The following ABCG8 variants were observed in gnomAD, a reference collection of about 807,000 sequenced individuals.
ABCG8 encodes the protein ATP-binding cassette sub-family G member 8.
In ABCG8, 81 loss-of-function variants were observed where a neutral mutation model predicts 71.3. The ratio of observed to expected loss-of-function variants is 1.14; its 90% CI spans 0.95 to 1.37. ABCG8 has a LOEUF of 1.37. ABCG8 is among the 40% of genes most tolerant of loss of function. The probability of loss-of-function intolerance (pLI) is 0.00; values close to 1 mark genes in which losing one functional copy is unlikely to be tolerated. For synonymous variants in ABCG8, 451 were observed against 354.7 expected, an observed-to-expected ratio of 1.27 and a Z score of -3.05; for missense variants, 1,119 against 866.2, an observed-to-expected ratio of 1.29 and a Z score of -3.66.
At chr2:43,866,864 A>G (rs1031067262) in intron 6 of ABCG8, among the ~76,000 whole-genome samples, 7 of 151,422 alleles carry the variant, frequency 4.6e-5, no homozygotes, top group African/African-American at 1.7e-4. Flanking sequence ...CCAAAGGACT[A>G]TAAATCATGC....
chr2:43,878,017 A>C lies in ABCG8; in HGVS notation c.*104A>C. 6.5e-7 allele frequency: 1 copy of C among 1,541,586 alleles called. No homozygotes were observed. Among genetic ancestry groups the C allele is most frequent in the Non-Finnish European group, 8.9e-7 (1 of 1,127,444 alleles). The stretch of plus-strand genomic sequence containing the variant: ...TGGGGACAGTGAGGACAATGACCCT[A>C]CAGATGCTCAGCTACATCCGGCCCA... On this transcript the variant is annotated 3_prime_UTR_variant, in exon 13 of 13. Coordinates refer to ENST00000272286, the MANE Select transcript of ABCG8 (RefSeq NM_022437.3).
chr2:43,879,587 C>T lies in ABCG8; in HGVS notation c.*1674C>T, dbSNP rs567511629. On this transcript the variant is annotated 3_prime_UTR_variant, in exon 13 of 13. Coordinates refer to ENST00000272286, the MANE Select transcript of ABCG8 (RefSeq NM_022437.3). ...GTTGCCACCATCCAACCTGCAGACCCCATTCTTGAGATTGACTGGGAGTTC... is the reference window on the plus strand; with the variant it reads ...GTTGCCACCATCCAACCTGCAGACCTCATTCTTGAGATTGACTGGGAGTTC... 2.0e-5 allele frequency: 3 copies of T among 152,334 alleles called. No individual in the cohort carries two copies. The highest frequency in any genetic ancestry group is 4.4e-5 in the Non-Finnish European group (3 of 68,030). 9.4% of individuals were successfully genotyped at this position (152,334 alleles called of 1,614,324 possible).
rs115207336 is a variant in ABCG8 at position 43,872,249 on chromosome 2, G to A, written c.1154G>A (p.Cys385Tyr). Residue 385 changes from cysteine to tyrosine, a missense_variant, in exon 8 of 13, where the codon TGC becomes TAC. Cys to Tyr is a radical substitution (Grantham distance 194). Coordinates refer to ENST00000272286, the MANE Select transcript of ABCG8 (RefSeq NM_022437.3). ...AGCGTGACCCCACTAGACACCAACTGCCTCCCGAGTCCTACGAAGATGCCT... is the reference window on the plus strand; with the variant it reads ...AGCGTGACCCCACTAGACACCAACTACCTCCCGAGTCCTACGAAGATGCCT... Reference protein sequence around the residue: ...ESSVTPLDTNCLPSPTKMPGA... With the variant: ...ESSVTPLDTNYLPSPTKMPGA... 1 of 1,613,982 alleles carries A rather than the reference G, an allele frequency of 6.2e-7. No homozygotes were observed. The highest frequency in any genetic ancestry group is 1.3e-5 in the African/African-American group (1 of 75,040).
intron 2 of ABCG8, among the ~76,000 whole-genome samples, chr2:43,845,866 C>A (rs1332651081): frequency 6.6e-6 from 1 of 152,196 alleles, no homozygotes; most frequent in South Asian, 2.1e-4. Context: ...AGGTGATCCA[C>A]CTGCCTCAGC....
chr2:43,859,671 A>G (rs1426153186), intron 6 of ABCG8, among the ~76,000 whole-genome samples: 3 of 150,004 alleles, frequency 2.0e-5, no homozygotes, highest in Non-Finnish European at 3.0e-5. Context: ...AACTCTCACT[A>G]TCTGGATAGA....
At chr2:43,854,344 A>C (rs1478186072) in intron 6 of ABCG8, among the ~76,000 whole-genome samples, 2 of 152,130 alleles carry the variant, frequency 1.3e-5, no homozygotes, top group Admixed American at 6.6e-5. Context: ...AATGGGAGGA[A>C]GGGCCGGGTG....
chr2:43,851,790 A>G lies in ABCG8; in HGVS notation c.529A>G (p.Arg177Gly), dbSNP rs1450037481. 3 of 1,614,232 alleles carry G rather than the reference A, an allele frequency of 1.9e-6. No individual in the cohort carries two copies. The highest frequency in any genetic ancestry group is 2.5e-6 in the Non-Finnish European group (3 of 1,180,040). Residue 177 changes from arginine (R) to glycine (G), a missense_variant, in exon 4 of 13, where the codon AGA becomes GGA. By Grantham distance (125) the Arg-to-Gly change is moderately radical. Transcript: ENST00000272286. ...CTTCATTGCCCAGATGCGGCTGCCC[A>G]GAACCTTCTCCCAGGCCCAGCGTGA... ...LAFIAQMRLPRTFSQAQRDKR... is the reference protein window; with the variant it reads ...LAFIAQMRLPGTFSQAQRDKR...
chr2:43,856,218 C>CT (rs1669101688), intron 6 of ABCG8, among the ~76,000 whole-genome samples: 1 of 152,060 alleles, frequency 6.6e-6, no homozygotes, highest in Admixed American at 6.5e-5. Flanking sequence ...GGGTAGAACT[C>CT]TGACTATCTG....
intron 6 of ABCG8, among the ~76,000 whole-genome samples, chr2:43,858,260 A>G (rs1301294792): frequency 6.7e-6 from 1 of 150,306 alleles, no homozygotes; most frequent in Non-Finnish European, 1.5e-5. Context: ...AAATCTCACC[A>G]TCTGAATTGA....
chr2:43,842,063 G>A (rs1249109833), intron 1 of ABCG8, among the ~76,000 whole-genome samples: 1 of 151,892 alleles, frequency 6.6e-6, no homozygotes, highest in Non-Finnish European at 1.5e-5. Flanking sequence ...CTGGAGTGCA[G>A]AGGCACGATC....
At chr2:43,843,522 A>T (rs1668645157) in intron 1 of ABCG8, among the ~76,000 whole-genome samples, 1 of 152,052 alleles carries the variant, frequency 6.6e-6, no homozygotes, top group South Asian at 2.1e-4. Context: ...TCTACAAAAA[A>T]TACAAAAATT....
intron 6 of ABCG8, among the ~76,000 whole-genome samples, chr2:43,857,049 A>G (rs572421167): frequency 6.6e-5 from 10 of 151,024 alleles, no homozygotes; most frequent in Admixed American, 5.9e-4. Context: ...AACTCTCACT[A>G]ACTGTCTGGA....
chr2:43,852,470 G>A lies in ABCG8; in HGVS notation c.678G>A (p.Gln226=), dbSNP rs776398940. ...GCAGGAGAGTCAGCATTGGGGTGCA[G>A]CTCCTGTGGAACCCAGGTGAGGGCC... The part of the protein sequence containing the change: ...GERRRVSIGV[Q]LLWNPGILIL... Residue 226 remains glutamine (Q), a synonymous_variant, in exon 5 of 13, where the codon CAG becomes CAA. Transcript: ENST00000272286. The A allele has an allele frequency of 1.9e-6, 3 of 1,613,402 alleles. No individual in the cohort carries two copies. The highest frequency in any genetic ancestry group is 2.2e-5 in the South Asian group (2 of 91,032).
chr2:43,842,698 C>G (rs1668617553), intron 1 of ABCG8, among the ~76,000 whole-genome samples: 1 of 152,148 alleles, frequency 6.6e-6, no homozygotes, highest in African/African-American at 2.4e-5. Context: ...CCCCGCACTC[C>G]TACTGTGTCC....
Position 43,861,168 on chromosome 2 carries a change from A to G in ABCG8, c.964+8300A>G, listed in dbSNP as rs532311877. Among the ~76,000 whole-genome samples, 16 of 151,526 alleles carry G rather than the reference A, an allele frequency of 1.1e-4. 1 individual carries two copies. The South Asian group carries it at 3.3e-3, about 31-fold the overall frequency. The stretch of plus-strand genomic sequence containing the variant: ...TAGAGCTCTCGCTATCTGTCTGGAT[A>G]GAATTCTCACCATCTAGATAGAACT... On this transcript the variant is annotated intron_variant, in intron 6 of 12. Transcript: ENST00000272286.
chr2:43,844,393 G>T (rs1361962849), intron 1 of ABCG8, 114 bp from the exon 2 acceptor site: 4 of 823,844 alleles, frequency 4.9e-6, no homozygotes, highest in African/African-American at 1.7e-5. Context: ...GCCAATTTGA[G>T]ATTTAACCAC....
In ABCG8 at chr2:43,872,271, G is replaced by A; in HGVS notation, c.1176G>A (p.Met392Ile). 1 of 1,614,002 alleles carries A rather than the reference G, an allele frequency of 6.2e-7. No homozygotes were observed. Residue 392 changes from methionine (M) to isoleucine (I), a missense_variant, in exon 8 of 13, where the codon ATG becomes ATA. Met to Ile is a conservative substitution (Grantham distance 10). Coordinates refer to ENST00000272286, the MANE Select transcript of ABCG8 (RefSeq NM_022437.3). ...ACTGCCTCCCGAGTCCTACGAAGAT[G>A]CCTGGGGCGGTGCAGCAGTTTACGA... The part of the protein sequence containing the change: ...DTNCLPSPTK[M>I]PGAVQQFTTL...
intron 1 of ABCG8, among the ~76,000 whole-genome samples, chr2:43,841,585 C>T (rs1668582447): frequency 6.6e-6 from 1 of 152,200 alleles, no homozygotes; most frequent in Non-Finnish European, 1.5e-5. Flanking sequence ...GCCTGTGCAA[C>T]TCCTGGAAGG....
Position 43,877,546 on chromosome 2 carries a change from G to A in ABCG8, c.1757-15G>A, listed in dbSNP as rs776779802. On this transcript the variant is annotated splice_polypyrimidine_tract_variant and intron_variant, in intron 11 of 12. Transcript: ENST00000272286. ...ATGAGGGACACCTGTGAGTAACGCG[G>A]CTGTCTGTCTCCAGTGCCCGCGTGG... 3.2e-5 allele frequency: 52 copies of A among 1,613,496 alleles called. No individual in the cohort carries two copies. Among genetic ancestry groups the A allele is most frequent in the Middle Eastern group, 1.8e-4 (1 of 5,600 alleles).
Sources: gnomAD v4.1 joint callset for allele counts (sites outside exome capture counted in the v4.1 genomes callset) on GRCh38, gnomAD v4.1.1 for gene constraint, MANE v1.5 for transcripts, NCBI Gene and HGNC (gene_info 2026-07-23, HGNC 2026-07-21) for gene names.